Variants in PCSK5 observed in about 807,000 individuals in gnomAD.
The protein encoded by PCSK5 is proprotein convertase subtilisin/kexin type 5.
Under a neutral mutation model 233.2 loss-of-function variants are expected in PCSK5, and 129 were observed. That is an observed-to-expected ratio of 0.55 (90% CI 0.48 to 0.64). The LOEUF (loss-of-function observed/expected upper bound fraction) is 0.64, where lower values mean the gene tolerates loss of function less well. Among genes scored for constraint, PCSK5 ranks in the 30% least tolerant of loss-of-function variants. PCSK5 has a pLI of 0.00. For synonymous variants in PCSK5, 825 were observed against 879.2 expected (o/e 0.94, Z 1.09); for missense variants, 2,076 against 2,430.1 (o/e 0.85, Z 3.06).
chr9:75,924,259 T>C (rs62555877), intron 1 of PCSK5, among the ~76,000 whole-genome samples: 13,734 of 152,194 alleles, frequency 0.09, 836 homozygotes, highest in African/African-American at 0.17. Context: ...TCATGCCCTC[T>C]AATGCCATTC....
chr9:76,173,481 A>C, intron 13 of PCSK5, among the ~76,000 whole-genome samples: 1 of 93,526 alleles, frequency 1.1e-5, no homozygotes. Context: ...CTTTAATGAA[A>C]TGGAGGCACG....
At chr9:76,197,750 G>T (rs912555034) in intron 20 of PCSK5, among the ~76,000 whole-genome samples, 6 of 152,158 alleles carry the variant, frequency 3.9e-5, no homozygotes, top group African/African-American at 9.7e-5. Flanking sequence ...GTGGAACAGA[G>T]GACAGCTGCA....
rs1830344963 is a variant in PCSK5, at chr9:76,067,969, G to A, written c.647G>A (p.Cys216Tyr). 1 of 1,613,838 alleles carries A rather than the reference G, an allele frequency of 6.2e-7. No homozygotes were observed. Among genetic ancestry groups the A allele is most frequent in the Non-Finnish European group, 8.5e-7 (1 of 1,179,812 alleles). The change falls in exon 6 of 38, where the codon TGT becomes TAT. Residue 216 changes from cysteine to tyrosine, a missense_variant. By Grantham distance (194) the Cys-to-Tyr change is radical. Transcript: ENST00000674117. ...TCTGCCTGCAGGCATGGGACTCGCT[G>A]TGCTGGAGAAGTGGCAGCCGCTGCA... Reference protein sequence around the residue: ...ASNENKHGTRCAGEVAAAANN... With the variant: ...ASNENKHGTRYAGEVAAAANN...
chr9:75,974,038 A>G (rs1825913208), intron 2 of PCSK5, among the ~76,000 whole-genome samples: 1 of 152,224 alleles, frequency 6.6e-6, no homozygotes, highest in Non-Finnish European at 1.5e-5. Flanking sequence ...AGACTGAGAA[A>G]GTGTCAGGCT....
At chr9:76,243,141 A>C (rs1438809375) in intron 24 of PCSK5, among the ~76,000 whole-genome samples, 4 of 152,178 alleles carry the variant, frequency 2.6e-5, no homozygotes, top group Admixed American at 2.6e-4. Context: ...GGGACTCAAA[A>C]TCCAAAAGAC....
chr9:75,914,296 C>G (rs563493901), intron 1 of PCSK5, among the ~76,000 whole-genome samples: 1 of 152,120 alleles, frequency 6.6e-6, no homozygotes, highest in Admixed American at 6.5e-5. Flanking sequence ...ATCCATTGTT[C>G]CATTAAGGCA....
chr9:75,914,242 A>C, intron 1 of PCSK5, among the ~76,000 whole-genome samples: 1 of 152,200 alleles, frequency 6.6e-6, no homozygotes, highest in South Asian at 2.1e-4. Flanking sequence ...GAGATGTGAG[A>C]GTATGACGAA....
chr9:76,246,899 G>A (rs974939910), intron 24 of PCSK5, among the ~76,000 whole-genome samples: 18 of 152,342 alleles, frequency 1.2e-4, no homozygotes, highest in Admixed American at 1.1e-3. Context: ...CTTCCAAAAT[G>A]GCGGCAGGCC....
chr9:76,284,743 G>A (rs1272884473), intron 24 of PCSK5, among the ~76,000 whole-genome samples: 1 of 151,846 alleles, frequency 6.6e-6, no homozygotes, highest in East Asian at 1.9e-4. Context: ...TGTTGGTCAG[G>A]TTGGTCTCAA....
At chr9:76,314,603 C>T (rs776467682) in intron 30 of PCSK5, among the ~76,000 whole-genome samples, 102 of 151,982 alleles carry the variant, frequency 6.7e-4, no homozygotes, top group Non-Finnish European at 9.9e-4. Context: ...GTGGCCCCTG[C>T]TTTTTCAAAT....
chr9:76,267,674 T>C (rs1827376812), intron 24 of PCSK5, among the ~76,000 whole-genome samples: 1 of 152,170 alleles, frequency 6.6e-6, no homozygotes, highest in Admixed American at 6.5e-5. Context: ...GCCTGCCCCA[T>C]TGGCAGGTGC....
chr9:76,090,092 C>T (rs546501454), intron 7 of PCSK5, among the ~76,000 whole-genome samples: 5 of 151,982 alleles, frequency 3.3e-5, no homozygotes, highest in South Asian at 2.1e-4. Flanking sequence ...CTTTTTTTGC[C>T]ATGCAAAGCC....
chr9:76,352,911 T>C (rs1380403101), intron 36 of PCSK5, among the ~76,000 whole-genome samples: 2 of 150,680 alleles, frequency 1.3e-5, no homozygotes, highest in Non-Finnish European at 2.9e-5. Context: ...TAGCTGGACA[T>C]GGTGGCACAT....
chr9:76,197,531 C>T (rs547718687), intron 20 of PCSK5, among the ~76,000 whole-genome samples: 15 of 152,274 alleles, frequency 9.9e-5, no homozygotes, highest in Admixed American at 3.3e-4. Context: ...ATCTTATCCC[C>T]CTCATGTAAA....
At chr9:76,337,023 TATC>T (rs1429015745) in intron 34 of PCSK5, among the ~76,000 whole-genome samples, 2 of 151,794 alleles carry the variant, frequency 1.3e-5, no homozygotes, top group African/African-American at 2.4e-5. Context: ...TGGTTATAGT[TATC>T]ATATTTAACT....
intron 21 of PCSK5, among the ~76,000 whole-genome samples, chr9:76,232,278 G>A (rs536683965): frequency 5.3e-5 from 8 of 152,294 alleles, no homozygotes; most frequent in Admixed American, 1.3e-4. Context: ...TTCTTCGCAG[G>A]CCCACTCAGA....
chr9:75,943,059 AT>A (rs1419749611), intron 2 of PCSK5, among the ~76,000 whole-genome samples: 3 of 151,192 alleles, frequency 2.0e-5, no homozygotes, highest in South Asian at 2.1e-4. Context: ...TAATTTTTGT[AT>A]TTTTAGTAGA....
chr9:76,102,432 A>C (rs1831802325), intron 8 of PCSK5, among the ~76,000 whole-genome samples: 1 of 152,158 alleles, frequency 6.6e-6, no homozygotes, highest in Admixed American at 6.6e-5. Flanking sequence ...GAAGCAGTGG[A>C]GCTGGTGGTA....
intron 21 of PCSK5, among the ~76,000 whole-genome samples, chr9:76,232,210 C>T (rs756203562): frequency 5.3e-5 from 8 of 152,160 alleles, no homozygotes; most frequent in East Asian, 1.9e-4. Context: ...TCTGATCTTT[C>T]GTGTGGTGTC....
Sources: allele counts gnomAD v4.1 joint callset (sites outside exome capture counted in the v4.1 genomes callset), GRCh38; gene constraint gnomAD v4.1.1; transcripts MANE v1.5; gene names NCBI Gene and HGNC (gene_info 2026-07-23, HGNC 2026-07-21).